B4GALT1: variants seen among roughly 807,000 people sequenced by gnomAD.
B4GALT1 encodes beta-1,4-galactosyltransferase 1.
B4GALT1 carries 16 observed loss-of-function variants against 34.9 expected under a neutral mutation model. The ratio of observed to expected loss-of-function variants is 0.46; its 90% confidence interval spans 0.31 to 0.70. B4GALT1 has a LOEUF of 0.70. Ranked by LOEUF, B4GALT1 falls within the 30% of genes least tolerant of loss-of-function variation. B4GALT1 has a pLI of 0.05. For synonymous variants in B4GALT1, 221 were observed against 218.1 expected, an observed-to-expected ratio of 1.01 and a Z score of -0.12; for missense variants, 445 against 530.5, an observed-to-expected ratio of 0.84 and a Z score of 1.58.
chr9:33,122,417 G>C (rs1217960742), intron 2 of B4GALT1, among the ~76,000 whole-genome samples: 2 of 152,002 alleles, frequency 1.3e-5, no homozygotes, highest in African/African-American at 4.8e-5. Context: ...GAGGTAGGAG[G>C]CTCAACTGAT....
chr9:33,163,061 G>A (rs56030777), intron 1 of B4GALT1, among the ~76,000 whole-genome samples: 27,098 of 152,066 alleles, frequency 0.18, 3,060 homozygotes, highest in Admixed American at 0.26. Context: ...ACCCCAAGCC[G>A]GAAGGTGATG....
rs547381574 is a variant in B4GALT1 at position 33,112,244 on chromosome 9, C to T, written c.*1210G>A. On this transcript the variant is annotated 3_prime_UTR_variant, in exon 6 of 6. Transcript: ENST00000379731. ...GGAGGTGCAAAGGGCTGGTAAACAA[C>T]CTGACTGCTGTTATTTACAACCCCC... 1 of 152,380 alleles carries T rather than the reference C, an allele frequency of 6.6e-6. No individual in the cohort carries two copies. Among genetic ancestry groups the T allele is most frequent in the East Asian group, 1.9e-4 (1 of 5,182 alleles). 9.4% of individuals were successfully genotyped at this position (152,380 alleles called of 1,614,324 possible).
chr9:33,157,020 C>A (rs971952207), intron 1 of B4GALT1, among the ~76,000 whole-genome samples: 1 of 148,848 alleles, frequency 6.7e-6, no homozygotes, highest in Non-Finnish European at 1.5e-5. Flanking sequence ...CACAGGAAAA[C>A]CCTAATGTCC....
intron 2 of B4GALT1, among the ~76,000 whole-genome samples, chr9:33,134,891 T>C (rs1840244032): frequency 6.6e-6 from 1 of 152,314 alleles, no homozygotes; most frequent in South Asian, 2.1e-4. Flanking sequence ...GTGTGTACTT[T>C]GGAATAATTA....
chr9:33,150,150 TAC>T (rs1554687988), intron 1 of B4GALT1, among the ~76,000 whole-genome samples: 3 of 119,994 alleles, frequency 2.5e-5, no homozygotes, highest in Admixed American at 1.6e-4. Flanking sequence ...TATAGATATA[TAC>T]ACACACACAT....
intron 2 of B4GALT1, among the ~76,000 whole-genome samples, chr9:33,123,150 C>T (rs1351141139): frequency 2.0e-5 from 3 of 151,686 alleles, no homozygotes; most frequent in Admixed American, 6.6e-5. Flanking sequence ...TGGTGGCGGG[C>T]GCCTGGATTC....
At chr9:33,131,137 A>G (rs1228276577) in intron 2 of B4GALT1, among the ~76,000 whole-genome samples, 1 of 152,220 alleles carries the variant, frequency 6.6e-6, no homozygotes, top group African/African-American at 2.4e-5. Flanking sequence ...AGCCCTGGAT[A>G]CCAGACTGTG....
chr9:33,133,461 A>G (rs1840222917), intron 2 of B4GALT1, among the ~76,000 whole-genome samples: 2 of 152,220 alleles, frequency 1.3e-5, no homozygotes. Flanking sequence ...CACTGCTTTA[A>G]TAACAGGCTC....
chr9:33,113,352 C>G lies in B4GALT1; in HGVS notation c.*102G>C. 1 of 1,550,518 alleles carries G rather than the reference C, an allele frequency of 6.4e-7. No homozygotes were observed. Among genetic ancestry groups the G allele is most frequent in the Non-Finnish European group, 8.9e-7 (1 of 1,123,970 alleles). On this transcript the variant is annotated 3_prime_UTR_variant, in exon 6 of 6. Coordinates refer to ENST00000379731, the MANE Select transcript of B4GALT1 (RefSeq NM_001497.4). ...AATGATGAGCGAAGGGGACCTGTCACTCAGACTGGTAAAAATGAGAGGGAC... is the reference window on the plus strand; with the variant it reads ...AATGATGAGCGAAGGGGACCTGTCAGTCAGACTGGTAAAAATGAGAGGGAC...
the B4GALT1 span, among the ~76,000 whole-genome samples, chr9:33,183,309 A>C: frequency 2.0e-5 from 3 of 151,936 alleles, no homozygotes; most frequent in Admixed American, 6.6e-5. Context: ...ACTATAAATC[A>C]TGCTGCTATA....
At chr9:33,182,123 TAAGA>T in the B4GALT1 span, among the ~76,000 whole-genome samples, 1 of 152,206 alleles carries the variant, frequency 6.6e-6, no homozygotes, top group African/African-American at 2.4e-5. Context: ...CTGAAAACTC[TAAGA>T]AAGAATTCTT....
rs369764007 is a variant in B4GALT1 at position 33,136,830 on chromosome 9, C to T, written c.413-1406G>A. On this transcript the variant is annotated intron_variant, in intron 1 of 5. Coordinates refer to ENST00000379731, the MANE Select transcript of B4GALT1 (RefSeq NM_001497.4). ...AACCTGAAACATGCTGGTGAGAACCCGCCCAGGGCCAGTGAGCAGGCTTCA... is the reference window on the plus strand; with the variant it reads ...AACCTGAAACATGCTGGTGAGAACCTGCCCAGGGCCAGTGAGCAGGCTTCA... Among the ~76,000 whole-genome samples, 135 of 152,340 alleles carry T rather than the reference C, an allele frequency of 8.9e-4. 2 individuals are homozygous for T. In the South Asian group the frequency reaches 0.027, roughly 31 times the overall value.
chr9:33,128,766 C>T (rs904908473), intron 2 of B4GALT1, among the ~76,000 whole-genome samples: 1 of 151,938 alleles, frequency 6.6e-6, no homozygotes, highest in African/African-American at 2.4e-5. Context: ...AGATAGAAAC[C>T]AAACCAATGA....
At chr9:33,137,986 C>T (rs1840295010) in intron 1 of B4GALT1, among the ~76,000 whole-genome samples, 1 of 152,238 alleles carries the variant, frequency 6.6e-6, no homozygotes, top group Admixed American at 6.5e-5. Context: ...TCTGCAGCCC[C>T]CACCCCACCT....
chr9:33,184,162 G>A, the B4GALT1 span, among the ~76,000 whole-genome samples: 3 of 150,426 alleles, frequency 2.0e-5, no homozygotes, highest in South Asian at 2.1e-4. Context: ...AGAACTTAAA[G>A]TATAATAATA....
At chr9:33,128,295 G>A (rs1259520362) in intron 2 of B4GALT1, among the ~76,000 whole-genome samples, 1 of 152,180 alleles carries the variant, frequency 6.6e-6, no homozygotes, top group South Asian at 2.1e-4. Flanking sequence ...GGAGAGAGGT[G>A]AGGAAAAGAG....
chr9:33,151,959 G>A (rs1009395576), intron 1 of B4GALT1, among the ~76,000 whole-genome samples: 1 of 152,178 alleles, frequency 6.6e-6, no homozygotes, highest in Non-Finnish European at 1.5e-5. Context: ...GGATGGTGAA[G>A]ACCTGCTTAA....
Position 33,166,776 on chromosome 9 carries a change from C to T in B4GALT1, c.394G>A (p.Glu132Lys). 1 of 1,523,010 alleles carries T rather than the reference C, an allele frequency of 6.6e-7. No individual in the cohort carries two copies. The allele number at this position is 1,523,010 out of a possible 1,614,324, so 94.3% of individuals were successfully genotyped here. A position where few individuals can be genotyped will look rare whatever the true frequency, so the allele number is the denominator to read the frequency against. ...TTALSLPACP[E>K]ESPLLVGPML... ...TCCTTACCAAGCAGCGGGGACTCCT[C>T]AGGGCAGGCGGGCAGCGACAGTGCG... The change falls in exon 1 of 6, where the codon GAG becomes AAG. Residue 132 changes from glutamate to lysine, a missense_variant. Coordinates refer to ENST00000379731, the MANE Select transcript of B4GALT1 (RefSeq NM_001497.4).
chr9:33,156,457 T>C (rs1284206453), intron 1 of B4GALT1, among the ~76,000 whole-genome samples: 2 of 152,186 alleles, frequency 1.3e-5, no homozygotes, highest in Non-Finnish European at 2.9e-5. Flanking sequence ...TTTTAGTCAC[T>C]GAAATCACTA....
Sources: gnomAD v4.1 joint callset for allele counts (sites outside exome capture counted in the v4.1 genomes callset) on GRCh38, gnomAD v4.1.1 for gene constraint, MANE v1.5 for transcripts, NCBI Gene and HGNC (gene_info 2026-07-23, HGNC 2026-07-21) for gene names.